CD72: variants seen among roughly 807,000 people sequenced by gnomAD.
CD72 encodes B-cell differentiation antigen CD72.
A neutral mutation model predicts 50.7 loss-of-function variants in CD72; 28 were observed. The observed-to-expected ratio is 0.55, with a 90% confidence interval of 0.41 to 0.76. CD72 has a LOEUF of 0.76. Ranked by LOEUF, CD72 falls within the 30% of genes least tolerant of loss-of-function variation. The pLI is 0.00. For missense variants in CD72, 403 were observed against 420.6 expected (o/e 0.96, Z 0.37); for synonymous variants, 176 against 171.2 (o/e 1.03, Z -0.22).
chr9:35,617,419 T>G (rs1468164154), intron 2 of CD72, among the ~76,000 whole-genome samples, 172 bp from the exon 3 acceptor site: 1 of 152,096 alleles, frequency 6.6e-6, no homozygotes. Context: ...TGCCCGGGAC[T>G]CTCTCGGCTT....
At chr9:35,620,960 C>T (rs375782487), upstream of CD72, among the ~76,000 whole-genome samples, 3 of 152,182 alleles carry the variant, frequency 2.0e-5, no homozygotes, top group Admixed American at 6.5e-5. Context: ...CATCACAGGC[C>T]GCATTCGCTT....
intron 5 of CD72, among the ~76,000 whole-genome samples, chr9:35,615,327 C>T (rs1823048576): frequency 6.6e-6 from 1 of 152,110 alleles, no homozygotes; most frequent in Non-Finnish European, 1.5e-5. Context: ...TTGCCTAGAC[C>T]CTCAGCCTGT....
In CD72 at chr9:35,616,176, T is replaced by G. The variant is rs1563895570; in HGVS notation, c.455A>C (p.Gln152Pro). The G allele has an allele frequency of 1.2e-6, 2 of 1,614,124 alleles. No homozygotes were observed. Among genetic ancestry groups the G allele is most frequent in the East Asian group, 2.2e-5 (1 of 44,874 alleles). ...QLRLKITQLG[Q>P]SAEDLQGSRR... ...GGACCCCTGCAGATCCTCTGCACTCTGTCCCAGCTGCGTTATCTTGAGGCG... is the reference window on the plus strand; with the variant it reads ...GGACCCCTGCAGATCCTCTGCACTCGGTCCCAGCTGCGTTATCTTGAGGCG... The change falls in exon 5 of 9, where the codon CAG becomes CCG. Residue 152 changes from glutamine (Q) to proline (P), a missense_variant. Gln to Pro is a moderately conservative substitution (Grantham distance 76). Coordinates refer to ENST00000259633, the MANE Select transcript of CD72 (RefSeq NM_001782.3).
Position 35,615,928 on chromosome 9 carries a change from C to T in CD72, c.688+15G>A. On this transcript the variant is annotated intron_variant, in intron 5 of 8. Coordinates refer to ENST00000259633, the MANE Select transcript of CD72 (RefSeq NM_001782.3). ...AATCCATCCCTCCCTTCTCTCCTCTCCCCAGAGCGGATACCTGCTGAGCCG... is the reference window on the plus strand; with the variant it reads ...AATCCATCCCTCCCTTCTCTCCTCTTCCCAGAGCGGATACCTGCTGAGCCG... 3 of 1,603,120 alleles carry T rather than the reference C, an allele frequency of 1.9e-6. No individual in the cohort carries two copies. The highest frequency in any genetic ancestry group is 2.2e-5 in the East Asian group (1 of 44,816).
chr9:35,633,028 T>C (rs925276442), intron 1 of CD72, among the ~76,000 whole-genome samples: 2 of 151,330 alleles, frequency 1.3e-5, no homozygotes, highest in African/African-American at 4.9e-5. Flanking sequence ...CCTCCTGGGC[T>C]CAATCTAACC....
At chr9:35,615,135 AGCAGCCCTG>A (rs1235896982) in intron 5 of CD72, among the ~76,000 whole-genome samples, 1 of 152,118 alleles carries the variant, frequency 6.6e-6, no homozygotes, top group Non-Finnish European at 1.5e-5. Context: ...TGCTGCTAAG[AGCAGCCCTG>A]GCATGGAACT....
At chr9:35,613,125 T>C (rs1165954738) in intron 5 of CD72, 132 bp from the exon 6 acceptor site, 1 of 723,784 alleles carries the variant, frequency 1.4e-6, no homozygotes, top group Non-Finnish European at 2.3e-6. Context: ...TTGCAATCTT[T>C]CTTTTGCATC....
chr9:35,616,385 G>T, intron 4 of CD72, 107 bp from the exon 5 acceptor site: 1 of 937,814 alleles, frequency 1.1e-6, no homozygotes, highest in Non-Finnish European at 1.6e-6. Context: ...TTGCATCACA[G>T]GCTGAAATAC....
chr9:35,644,219 G>A (rs558059329), intron 1 of CD72, among the ~76,000 whole-genome samples: 2 of 151,658 alleles, frequency 1.3e-5, no homozygotes, highest in South Asian at 2.1e-4. Context: ...GGTGGCGAGT[G>A]CCTGTAGTCC....
chr9:35,628,742 A>G (rs10972530), intron 1 of CD72, among the ~76,000 whole-genome samples: 82,702 of 152,082 alleles, frequency 0.54, 23,074 homozygotes, highest in South Asian at 0.63. Context: ...GGGAACTGGT[A>G]TATGAATACA....
intron 1 of CD72, among the ~76,000 whole-genome samples, chr9:35,626,949 G>C (rs1291382664): frequency 1.3e-5 from 2 of 150,582 alleles, no homozygotes; most frequent in African/African-American, 2.4e-5. Context: ...CCTCCTGGGA[G>C]TTCAGCTACT....
At position 35,610,610 on chromosome 9, in the gene CD72, T is replaced by G; in HGVS notation, c.*14A>C. On this transcript the variant is annotated 3_prime_UTR_variant, in exon 8 of 9. Transcript: ENST00000259633. ...CCATCCCTCACTCTTACCAACTCAG[T>G]GCAAAGGACTGTCCTAATCTGGAAA... 1 of 1,612,750 alleles carries G rather than the reference T, an allele frequency of 6.2e-7. No homozygotes were observed. The highest frequency in any genetic ancestry group is 1.7e-5 in the Admixed American group (1 of 59,964).
chr9:35,641,307 T>G (rs1823337900), intron 1 of CD72, among the ~76,000 whole-genome samples: 1 of 151,736 alleles, frequency 6.6e-6, no homozygotes, highest in Non-Finnish European at 1.5e-5. Context: ...CATTTGTAGT[T>G]TTACAGTTTC....
chr9:35,637,156 C>A (rs1823298170), intron 1 of CD72, among the ~76,000 whole-genome samples: 1 of 152,112 alleles, frequency 6.6e-6, no homozygotes, highest in Non-Finnish European at 1.5e-5. Context: ...GAAGATCTAC[C>A]CCCTGCCCGC....
intron 1 of CD72, among the ~76,000 whole-genome samples, chr9:35,635,113 T>A (rs1392171768): frequency 1.3e-5 from 2 of 152,210 alleles, no homozygotes; most frequent in African/African-American, 4.8e-5. Flanking sequence ...GGGTTGCAGA[T>A]GAGAAAAAAT....
intron 2 of CD72, 89 bp from the exon 3 acceptor site, chr9:35,617,336 A>T: frequency 7.1e-7 from 1 of 1,418,312 alleles, no homozygotes; most frequent in Non-Finnish European, 9.5e-7. Context: ...CGCCACTGGG[A>T]AACTCCAGTC....
chr9:35,617,106 C>G (rs1278063642), intron 3 of CD72, 70 bp downstream of exon 3: 1 of 1,544,854 alleles, frequency 6.5e-7, no homozygotes, highest in East Asian at 2.4e-5. Context: ...CCCGCGGGGC[C>G]CAGCGCCATC....
chr9:35,622,786 C>CAAA (rs898134466), upstream of CD72, among the ~76,000 whole-genome samples: 321 of 148,328 alleles, frequency 2.2e-3, 2 homozygotes, highest in Non-Finnish European at 2.3e-3. Flanking sequence ...GACTCTGTCT[C>CAAA]AAAAAAAATA....
chr9:35,639,024 CTTT>C (rs111373051), intron 1 of CD72, among the ~76,000 whole-genome samples: 1 of 140,984 alleles, frequency 7.1e-6, no homozygotes, highest in Non-Finnish European at 1.6e-5. Flanking sequence ...CCGCCTTATT[CTTT>C]TTTTTTTTTT....
Sources: gnomAD v4.1 joint callset for allele counts (sites outside exome capture counted in the v4.1 genomes callset) on GRCh38, gnomAD v4.1.1 for gene constraint, MANE v1.5 for transcripts, NCBI Gene and HGNC (gene_info 2026-07-23, HGNC 2026-07-21) for gene names.